The following RADIL variants were observed in gnomAD, a reference collection of about 807,000 sequenced individuals.
RADIL encodes Rap associating with DIL domain.
RADIL carries 99 observed loss-of-function variants against 97.6 expected under a neutral mutation model. That is an observed-to-expected ratio of 1.01 (90% confidence interval 0.86 to 1.20). The LOEUF (loss-of-function observed/expected upper bound fraction) is 1.20, where lower values mean the gene tolerates loss of function less well. Among genes scored for constraint, RADIL ranks in the 50% most tolerant of loss-of-function variants. The pLI is 0.00. For synonymous variants in RADIL, 803 were observed against 691.8 expected (o/e 1.16, Z -2.52); for missense variants, 1,765 against 1,498.9 (o/e 1.18, Z -2.93).
At position 4,842,747 on chromosome 7, in the gene RADIL, C is replaced by A. The variant is rs1783472488; in HGVS notation, c.536-6142G>T. Among the ~76,000 whole-genome samples, 1 of 152,104 alleles carries A rather than the reference C, an allele frequency of 6.6e-6. No individual in the cohort carries two copies. The highest frequency in any genetic ancestry group is 1.5e-5 in the Non-Finnish European group (1 of 68,010). ...CTTGGAACCGTTTCTGTCACCCATC[C>A]CCACTCGCAGGCCTCAGAGATGAAG... On this transcript the variant is annotated intron_variant, in intron 2 of 14. Transcript: ENST00000399583. The surrounding 1 kb of genome is among the most constrained non-coding windows in gnomAD (Gnocchi z 4.5).
chr7:4,801,568 G>GGGGGAACGATCCCA, intron 12 of RADIL, 85 bp downstream of exon 12: 1 of 1,418,842 alleles, frequency 7.0e-7, no homozygotes, highest in Non-Finnish European at 9.5e-7. Context: ...AGGACCCAAG[G>GGGGGAACGATCCCA]GGGGAACGAT....
At chr7:4,833,203 C>T (rs1038362242) in intron 4 of RADIL, among the ~76,000 whole-genome samples, 2 of 152,196 alleles carry the variant, frequency 1.3e-5, no homozygotes, top group Admixed American at 1.3e-4. Flanking sequence ...GCTTCAGTTT[C>T]CCTGGCTGTG....
chr7:4,832,690 G>A (rs906616410), intron 4 of RADIL, among the ~76,000 whole-genome samples: 2 of 135,120 alleles, frequency 1.5e-5, no homozygotes, highest in Non-Finnish European at 1.5e-5. Context: ...AGTGAGACGA[G>A]ATCACGCCAC....
chr7:4,875,290 G>C (rs2115050768), intron 2 of RADIL, among the ~76,000 whole-genome samples: 1 of 151,636 alleles, frequency 6.6e-6, no homozygotes, highest in East Asian at 1.9e-4. Context: ...CTATTCAGGA[G>C]GCTGAGGCAG....
In RADIL at chr7:4,813,858, C is replaced by T. The variant is rs990632729; in HGVS notation, c.2139+1420G>A. Among the ~76,000 whole-genome samples the T allele has an allele frequency of 6.6e-6, 1 of 152,218 alleles. No individual in the cohort carries two copies. The highest frequency in any genetic ancestry group is 1.5e-5 in the Non-Finnish European group (1 of 68,040). ...TTCTTCTGTTTTAGCCCCATCTTGA[C>T]ATCGGTGTCCAGAGGTACCTGGTGC... On this transcript the variant is annotated intron_variant, in intron 9 of 14. Transcript: ENST00000399583. The surrounding 1 kb of genome is among the most constrained non-coding windows in gnomAD (Gnocchi z 5.0).
chr7:4,857,091 T>C (rs1190152467), intron 2 of RADIL, among the ~76,000 whole-genome samples: 2 of 152,256 alleles, frequency 1.3e-5, no homozygotes, highest in African/African-American at 4.8e-5. Context: ...AAATCTTCTA[T>C]GATAATGACA....
At chr7:4,828,407 G>C (rs1003626089) in intron 5 of RADIL, among the ~76,000 whole-genome samples, 1 of 152,224 alleles carries the variant, frequency 6.6e-6, no homozygotes, top group Non-Finnish European at 1.5e-5. Context: ...GCAGCAAGCC[G>C]AGGTCGCGCC....
intron 5 of RADIL, among the ~76,000 whole-genome samples, chr7:4,823,061 A>G (rs1782878425): frequency 2.6e-5 from 4 of 152,216 alleles, no homozygotes; most frequent in Admixed American, 2.6e-4. Context: ...ATGAAATGCT[A>G]CTTTATTAAA....
chr7:4,875,235 AAC>A (rs1784347920), intron 2 of RADIL, among the ~76,000 whole-genome samples: 1 of 120,260 alleles, frequency 8.3e-6, no homozygotes, highest in Admixed American at 7.8e-5. Context: ...CAACAACAAC[AAC>A]AAAATTAGCC....
At chr7:4,836,304 G>A (rs570557903) in intron 3 of RADIL, 54 bp downstream of exon 3, 314 of 1,550,848 alleles carry the variant, frequency 2.0e-4, no homozygotes, top group African/African-American at 1.2e-3. Flanking sequence ...TCTGAGTCCC[G>A]CCTGCTGTCC....
At chr7:4,805,912 C>A in intron 9 of RADIL, 196 bp from the exon 10 acceptor site, 1 of 985,376 alleles carries the variant, frequency 1.0e-6, no homozygotes, top group Non-Finnish European at 1.2e-6. Flanking sequence ...GCAGCTGCTC[C>A]AGGGAGAGGC....
At chr7:4,866,407 A>G (rs1379164272) in intron 2 of RADIL, among the ~76,000 whole-genome samples, 2 of 152,216 alleles carry the variant, frequency 1.3e-5, no homozygotes. Flanking sequence ...CGCCTAATCA[A>G]ATACCTAACA....
chr7:4,821,473 C>T lies in RADIL; in HGVS notation c.1615+921G>A, dbSNP rs551158919. On this transcript the variant is annotated intron_variant, in intron 6 of 14. Coordinates refer to ENST00000399583, the MANE Select transcript of RADIL (RefSeq NM_018059.5). This position sits in a 1 kb window ranked among gnomAD's most constrained non-coding sequence, Gnocchi z 5.2. ...GAAATCCTACCCCGGCTTCCGGGCC[C>T]GGCCCCATGCCACCTTCCTCTCGAA... 6.6e-5 allele frequency among the ~76,000 whole-genome samples: 10 copies of T among 152,350 alleles called. No homozygotes were observed. Among genetic ancestry groups the T allele is most frequent in the East Asian group, 3.9e-4 (2 of 5,190 alleles).
At chr7:4,812,837 GTTTGA>G in intron 9 of RADIL, among the ~76,000 whole-genome samples, 1 of 152,112 alleles carries the variant, frequency 6.6e-6, no homozygotes, top group Non-Finnish European at 1.5e-5. Flanking sequence ...CTTTCCTTGG[GTTTGA>G]TTTGTCATTC....
rs1430333167 is a variant in RADIL at position 4,799,452 on chromosome 7, T to C, written c.3154A>G (p.Lys1052Glu). The C allele has an allele frequency of 6.2e-7, 1 of 1,613,808 alleles. No individual in the cohort carries two copies. The change falls in exon 15 of 15, where the codon AAG becomes GAG. Residue 1052 changes from lysine (K) to glutamate (E), a missense_variant. Physicochemically the swap from Lys to Glu is moderately conservative, Grantham distance 56. Transcript: ENST00000399583. ...AVDLIRHGGKKMRFLVAKSDV... is the reference protein window; with the variant it reads ...AVDLIRHGGKEMRFLVAKSDV... ...GACTTCGCGACCAGGAACCGCATCT[T>C]CTTCCCGCCATGACGGATCAGGTCC...
rs1352439915 is a variant in RADIL, at chr7:4,878,564, G to A, written c.-64-361C>T. ...CAAAATCTAATGGACATAACAGGCCGTGGGCATCCTGGCCCCGCAGACCTG... is the reference window on the plus strand; with the variant it reads ...CAAAATCTAATGGACATAACAGGCCATGGGCATCCTGGCCCCGCAGACCTG... On this transcript the variant is annotated intron_variant, in intron 1 of 14. Transcript: ENST00000399583. This position sits in a 1 kb window ranked among gnomAD's most constrained non-coding sequence, Gnocchi z 4.1. 5.3e-5 allele frequency among the ~76,000 whole-genome samples: 8 copies of A among 152,194 alleles called. No individual in the cohort carries two copies. Among genetic ancestry groups the A allele is most frequent in the African/African-American group, 1.7e-4 (7 of 41,454 alleles).
intron 5 of RADIL, among the ~76,000 whole-genome samples, chr7:4,826,015 A>G (rs1321161575): frequency 1.1e-4 from 16 of 151,004 alleles, no homozygotes; most frequent in Non-Finnish European, 1.5e-4. Context: ...GGCTGAAGCT[A>G]GAGGATCACT....
At chr7:4,871,559 G>A (rs932686197) in intron 2 of RADIL, among the ~76,000 whole-genome samples, 1 of 152,208 alleles carries the variant, frequency 6.6e-6, no homozygotes, top group Non-Finnish European at 1.5e-5. Flanking sequence ...CAGCTCCATC[G>A]CAGCACTGGG....
intron 10 of RADIL, 75 bp from the exon 11 acceptor site, chr7:4,803,829 T>C (rs1190755691): frequency 1.5e-6 from 2 of 1,357,768 alleles, no homozygotes; most frequent in East Asian, 2.5e-5. Context: ...CGCCCAACGG[T>C]GTGGGAACCC....
Sources: allele counts gnomAD v4.1 joint callset (sites outside exome capture counted in the v4.1 genomes callset), GRCh38; gene constraint gnomAD v4.1.1; non-coding constraint Gnocchi (gnomAD v3.1); transcripts MANE v1.5; gene names NCBI Gene and HGNC (gene_info 2026-07-23, HGNC 2026-07-21).